Variants in DENND5B observed in about 807,000 individuals in gnomAD.
DENND5B encodes DENN domain-containing protein 5B.
In DENND5B, 34 loss-of-function variants were observed where a neutral mutation model predicts 140.6. The ratio of observed to expected loss-of-function variants is 0.24; its 90% CI spans 0.18 to 0.32. The LOEUF is 0.32. DENND5B is among the 10% of genes least tolerant of loss of function. The pLI, the probability that DENND5B is intolerant of heterozygous loss-of-function variation, is 1.00. For synonymous variants in DENND5B, 551 were observed against 562.1 expected (o/e 0.98, Z 0.28); for missense variants, 1,142 against 1,560.2 (o/e 0.73, Z 4.52).
At chr12:31,515,916 T>C (rs1947620286) in intron 1 of DENND5B, among the ~76,000 whole-genome samples, 1 of 152,156 alleles carries the variant, frequency 6.6e-6, no homozygotes, top group Non-Finnish European at 1.5e-5. Context: ...AAGGCAAAAA[T>C]TCAACTGTTA....
intron 13 of DENND5B, among the ~76,000 whole-genome samples, chr12:31,411,741 A>G (rs575591392): frequency 1.3e-5 from 2 of 152,250 alleles, no homozygotes; most frequent in East Asian, 1.9e-4. Context: ...TATCAAACCT[A>G]CTGTTTGGAC....
chr12:31,470,914 G>C (rs4931503), intron 3 of DENND5B, among the ~76,000 whole-genome samples: 20,390 of 152,220 alleles, frequency 0.13, 1,609 homozygotes, highest in Non-Finnish European at 0.18. Context: ...TGGAGCAGTA[G>C]CTGTGCTGAG....
chr12:31,399,892 T>C, intron 15 of DENND5B, 120 bp from the exon 16 acceptor site: 1 of 666,862 alleles, frequency 1.5e-6, no homozygotes. Flanking sequence ...GCATAATGTA[T>C]TCAGCTATGC....
rs1183748176 is a variant in DENND5B at position 31,386,535 on chromosome 12, CCTT to C, written c.*1065_*1067del. 1 of 152,222 alleles carries C rather than the reference CCTT, an allele frequency of 6.6e-6. No homozygotes were observed. Among genetic ancestry groups the C allele is most frequent in the Non-Finnish European group, 1.5e-5 (1 of 68,040 alleles). 9.4% of individuals were successfully genotyped at this position (152,222 alleles called of 1,614,324 possible). On this transcript the variant is annotated 3_prime_UTR_variant, in exon 21 of 21. Coordinates refer to ENST00000389082, the MANE Select transcript of DENND5B (RefSeq NM_144973.4). ...CCCAGAAAGGGTTCATTCTCTCTCT[CCTT>C]CTGTTATTTGCATTATCATGGTCAA... is the stretch of plus-strand genomic sequence containing the variant.
At chr12:31,588,234 C>G (rs1950468102) in intron 1 of DENND5B, among the ~76,000 whole-genome samples, 2 of 152,156 alleles carry the variant, frequency 1.3e-5, no homozygotes, top group African/African-American at 4.8e-5. Flanking sequence ...TCATGTCCTT[C>G]AAGGCTCTGT....
chr12:31,418,282 C>CTTTTTTTTTT lies in DENND5B; in HGVS notation c.2471-2844_2471-2835dup, dbSNP rs66507414. 3.8e-5 allele frequency among the ~76,000 whole-genome samples: 5 copies of CTTTTTTTTTT among 133,066 alleles called. 1 individual carries two copies. Among genetic ancestry groups the CTTTTTTTTTT allele is most frequent in the Non-Finnish European group, 3.1e-5 (2 of 64,468 alleles). 87.3% of individuals were successfully genotyped at this position (133,066 alleles called of 152,430 possible). ...AAGAAAGCATATCTTTTTTTCTTTT[C>CTTTTTTTTTT]TTTTTTTTTTTTTTTTGAGATAGGG... On this transcript the variant is annotated intron_variant, in intron 11 of 20. Transcript: ENST00000389082.
At chr12:31,581,041 G>C (rs1236601307) in intron 1 of DENND5B, among the ~76,000 whole-genome samples, 1 of 152,094 alleles carries the variant, frequency 6.6e-6, no homozygotes, top group Non-Finnish European at 1.5e-5. Flanking sequence ...GGAGGTTGAG[G>C]CTGCAGTGAG....
At chr12:31,505,239 C>CTTTTTTTTTTTTTTTTTTTTTTTTTT in intron 1 of DENND5B, among the ~76,000 whole-genome samples, 1 of 129,128 alleles carries the variant, frequency 7.7e-6, no homozygotes, top group Non-Finnish European at 1.6e-5. Context: ...CAGAATTTGC[C>CTTTTTTTTTTTTTTTTTTTTTTTTTT]TTTTTTTTTT....
intron 13 of DENND5B, among the ~76,000 whole-genome samples, chr12:31,412,384 T>C (rs1316947437): frequency 6.6e-6 from 1 of 152,202 alleles, no homozygotes; most frequent in Non-Finnish European, 1.5e-5. Context: ...TCATGGAAGA[T>C]AATGTTCCCA....
chr12:31,446,133 G>C (rs141771351), intron 6 of DENND5B, among the ~76,000 whole-genome samples: 4 of 152,090 alleles, frequency 2.6e-5, no homozygotes, highest in Non-Finnish European at 4.4e-5. Context: ...GACTGGCTAA[G>C]ACTCAGATTT....
intron 1 of DENND5B, among the ~76,000 whole-genome samples, chr12:31,567,280 T>C (rs1254993965): frequency 2.7e-5 from 4 of 150,404 alleles, no homozygotes; most frequent in African/African-American, 7.4e-5. Flanking sequence ...ATAGCATCAC[T>C]GCACTCCAGC....
intron 1 of DENND5B, among the ~76,000 whole-genome samples, chr12:31,509,218 A>C (rs1336531700): frequency 1.3e-5 from 2 of 152,098 alleles, no homozygotes; most frequent in South Asian, 4.2e-4. Flanking sequence ...CTCAACATCA[A>C]CGTTTACACA....
chr12:31,424,561 A>G lies in DENND5B; in HGVS notation c.2365T>C (p.Trp789Arg). 1.9e-6 allele frequency: 3 copies of G among 1,613,854 alleles called. No individual in the cohort carries two copies. Among genetic ancestry groups the G allele is most frequent in the Non-Finnish European group, 2.5e-6 (3 of 1,179,844 alleles). ...ASLCDLLERIWSHGLQVKQGK... is the reference protein window; with the variant it reads ...ASLCDLLERIRSHGLQVKQGK... ...TGCTTGACCTGCAAGCCATGGCTCC[A>G]TATCCTCTCCAGCAGGTCACAAAGG... Residue 789 changes from tryptophan to arginine, a missense_variant, in exon 10 of 21, where the codon TGG becomes CGG. Trp to Arg is a moderately radical substitution (Grantham distance 101). Around this residue, in one of 5 missense-constraint regions of DENND5B, gnomAD observed 33 missense variants for 90.8 expected, o/e 0.36. Transcript: ENST00000389082.
chr12:31,510,297 T>C (rs1461273899), intron 1 of DENND5B, among the ~76,000 whole-genome samples: 2 of 152,186 alleles, frequency 1.3e-5, no homozygotes. Flanking sequence ...TTCTGGAGGC[T>C]CTGAAGAAGA....
intron 1 of DENND5B, among the ~76,000 whole-genome samples, chr12:31,562,997 CT>C (rs1949526717): frequency 6.6e-6 from 1 of 151,006 alleles, no homozygotes; most frequent in Non-Finnish European, 1.5e-5. Context: ...AGCAAACTTT[CT>C]GCACAATAAC....
intron 3 of DENND5B, chr12:31,478,017 A>AT (rs142172766): frequency 0.12 from 20,244 of 165,856 alleles, 1,564 homozygotes; most frequent in Non-Finnish European, 0.18. Context: ...TAAAAAATGG[A>AT]TTTTTTTTTT....
chr12:31,590,563 G>A (rs920198894), intron 1 of DENND5B, 143 bp downstream of exon 1: 4 of 1,037,696 alleles, frequency 3.9e-6, no homozygotes, highest in Non-Finnish European at 5.1e-6. Flanking sequence ...AATCGCGCCC[G>A]AGCGCCAGTT....
intron 3 of DENND5B, among the ~76,000 whole-genome samples, chr12:31,472,248 G>A (rs1312640307): frequency 2.6e-5 from 4 of 152,176 alleles, no homozygotes; most frequent in East Asian, 3.8e-4. Context: ...ATTTTTAAGT[G>A]TCTATTAAGA....
chr12:31,404,900 C>G (rs1180547037), intron 14 of DENND5B, among the ~76,000 whole-genome samples: 4 of 151,668 alleles, frequency 2.6e-5, no homozygotes, highest in Non-Finnish European at 5.9e-5. Flanking sequence ...GCTGGGATTA[C>G]AACTGCACAC....
Sources: allele counts gnomAD v4.1 joint callset (sites outside exome capture counted in the v4.1 genomes callset), GRCh38; gene constraint gnomAD v4.1.1; regional missense constraint gnomAD v4.1.1; transcripts MANE v1.5; gene names NCBI Gene and HGNC (gene_info 2026-07-23, HGNC 2026-07-21).